The following STARD13 variants were observed in gnomAD, a reference collection of about 807,000 sequenced individuals.
The protein encoded by STARD13 is stAR-related lipid transfer protein 13.
Under a neutral mutation model 106.4 loss-of-function variants are expected in STARD13, and 62 were observed. The ratio of observed to expected loss-of-function variants is 0.58; its 90% CI spans 0.48 to 0.72. The LOEUF (loss-of-function observed/expected upper bound fraction) is 0.72, where lower values mean the gene tolerates loss of function less well. Ranked by LOEUF, STARD13 falls within the 30% of genes least tolerant of loss-of-function variation. STARD13 has a pLI of 0.00. For synonymous variants in STARD13, 565 were observed against 553.0 expected (o/e 1.02, Z -0.31); for missense variants, 1,387 against 1,424.0 (o/e 0.97, Z 0.42).
At chr13:33,174,891 A>G (rs1301554881) in intron 1 of STARD13, among the ~76,000 whole-genome samples, 1 of 152,158 alleles carries the variant, frequency 6.6e-6, no homozygotes, top group East Asian at 1.9e-4. Flanking sequence ...ATCTATATGA[A>G]TTCCAAAAAA....
chr13:33,109,773 A>G (rs1874259452), intron 12 of STARD13, 100 bp downstream of exon 12: 1 of 1,104,212 alleles, frequency 9.1e-7, no homozygotes, highest in African/African-American at 1.5e-5. Flanking sequence ...TTCCCCGTGG[A>G]GGCTGGACTT....
chr13:33,249,785 T>G (rs747389292), intron 1 of STARD13, among the ~76,000 whole-genome samples: 3 of 152,102 alleles, frequency 2.0e-5, no homozygotes, highest in Admixed American at 6.5e-5. Flanking sequence ...CTGTTATTAT[T>G]TATTTATTTA....
exon 2 of STARD13, chr13:33,349,042 C>A (rs1843290823): frequency 2.9e-6 from 2 of 687,950 alleles, no homozygotes; most frequent in Non-Finnish European, 5.3e-6. Flanking sequence ...GGGCAGAACA[C>A]CTAGCAAACC....
chr13:33,438,479 A>G, the STARD13 span, among the ~76,000 whole-genome samples: 2 of 152,230 alleles, frequency 1.3e-5, no homozygotes, highest in African/African-American at 4.8e-5. Flanking sequence ...TGAGGGTTAT[A>G]TATAGTTGAA....
intron 4 of STARD13, among the ~76,000 whole-genome samples, chr13:33,136,273 T>A (rs1185550769): frequency 6.6e-6 from 1 of 152,374 alleles, no homozygotes; most frequent in East Asian, 1.9e-4. Context: ...TGAGCACAAT[T>A]GTGATTCTTT....
At chr13:33,118,960 T>C (rs1437559520) in intron 7 of STARD13, among the ~76,000 whole-genome samples, 3 of 152,218 alleles carry the variant, frequency 2.0e-5, no homozygotes, top group Non-Finnish European at 2.9e-5. Flanking sequence ...TGGCTTTTTT[T>C]TCAGACCTCA....
At chr13:33,662,880 A>T in the STARD13 span, among the ~76,000 whole-genome samples, 5 of 152,364 alleles carry the variant, frequency 3.3e-5, no homozygotes, top group African/African-American at 1.2e-4. Context: ...CTCCCTAAAA[A>T]AATTTGGTTT....
At chr13:33,528,226 G>GTATATATATATATATACATATATATA in the STARD13 span, among the ~76,000 whole-genome samples, 47 of 101,000 alleles carry the variant, frequency 4.7e-4, no homozygotes, top group Non-Finnish European at 6.2e-4. Flanking sequence ...GTGTGTGTGT[G>GTATATATATATATATACATATATATA]TATATATATA....
At chr13:33,234,495 T>C (rs1236395387) in intron 1 of STARD13, among the ~76,000 whole-genome samples, 1 of 152,242 alleles carries the variant, frequency 6.6e-6, no homozygotes, top group Non-Finnish European at 1.5e-5. Context: ...CATGGAGTTC[T>C]CATTAGTAAA....
chr13:33,186,157 T>C, intron 1 of STARD13: 2 of 1,009,266 alleles, frequency 2.0e-6, no homozygotes, highest in Admixed American at 6.0e-5. Flanking sequence ...GCCTCCACAC[T>C]TCCTTTCCTC....
the STARD13 span, among the ~76,000 whole-genome samples, chr13:33,484,122 C>T: frequency 6.6e-6 from 1 of 152,204 alleles, no homozygotes; most frequent in Non-Finnish European, 1.5e-5. Flanking sequence ...CAAACCAACT[C>T]CATCTTGCCT....
intron 3 of STARD13, among the ~76,000 whole-genome samples, chr13:33,148,841 C>T (rs1468662594): frequency 1.3e-5 from 2 of 152,164 alleles, no homozygotes; most frequent in Non-Finnish European, 1.5e-5. Context: ...AATGGATAAA[C>T]TGTGGTCCAT....
the STARD13 span, among the ~76,000 whole-genome samples, chr13:33,512,772 T>A: frequency 4.6e-5 from 7 of 151,932 alleles, 1 homozygote; most frequent in East Asian, 9.7e-4. Context: ...CTCGGCCGTT[T>A]TTTCACTCTA....
At position 33,129,668 on chromosome 13, in the gene STARD13, C is replaced by T. The variant is rs868806380; in HGVS notation, c.1009G>A (p.Glu337Lys). The T allele has an allele frequency of 1.9e-6, 3 of 1,614,008 alleles. No homozygotes were observed. Among genetic ancestry groups the T allele is most frequent in the Non-Finnish European group, 2.5e-6 (3 of 1,180,024 alleles). ...GTGCTCACCCCGCTGCTGCTGTGCT[C>T]CGACGGGCTGCTCTCGCCACTCGAC... is the stretch of plus-strand genomic sequence containing the variant. ...GKSSGESSPS[E>K]HSSSGVSTPC... is the part of the protein sequence containing the mutation. Residue 337 changes from glutamate (E) to lysine (K), a missense_variant, in exon 5 of 14, where the codon GAG becomes AAG. Coordinates refer to ENST00000336934, the MANE Select transcript of STARD13 (RefSeq NM_178006.4).
intron 1 of STARD13, among the ~76,000 whole-genome samples, chr13:33,238,080 TGG>T (rs1440732757): frequency 6.6e-6 from 1 of 152,214 alleles, no homozygotes; most frequent in Non-Finnish European, 1.5e-5. Context: ...CAGGTGACCT[TGG>T]ATTACTTTCC....
chr13:33,628,216 C>T, the STARD13 span, among the ~76,000 whole-genome samples: 3 of 149,630 alleles, frequency 2.0e-5, no homozygotes, highest in African/African-American at 7.4e-5. Flanking sequence ...GACACATATA[C>T]TTCTAATGTT....
At position 33,129,991 on chromosome 13, in the gene STARD13, C is replaced by T. The variant is rs752094188; in HGVS notation, c.686G>A (p.Ser229Asn). Reference protein sequence around the residue: ...NPVMLDAPLVSSSLPQPPRDV... With the variant: ...NPVMLDAPLVNSSLPQPPRDV... ...TCTGGGGGGCTGTGGGAGGCTGCTG[C>T]TGACGAGTGGGGCATCCAGCATGAC... Residue 229 changes from serine to asparagine, a missense_variant, in exon 5 of 14, where the codon AGC (serine) becomes AAC (asparagine). Ser to Asn is a conservative substitution (Grantham distance 46). Coordinates refer to ENST00000336934, the MANE Select transcript of STARD13 (RefSeq NM_178006.4). The T allele has an allele frequency of 3.1e-6, 5 of 1,613,100 alleles. No individual in the cohort carries two copies. In the South Asian group the frequency reaches 5.5e-5, roughly 18 times the overall value.
chr13:33,586,512 A>G, the STARD13 span, among the ~76,000 whole-genome samples: 1 of 152,186 alleles, frequency 6.6e-6, no homozygotes, highest in Non-Finnish European at 1.5e-5. Flanking sequence ...CAAAAATACT[A>G]GTGGATTTCC....
the STARD13 span, among the ~76,000 whole-genome samples, chr13:33,498,325 G>T: frequency 6.6e-6 from 1 of 152,198 alleles, no homozygotes; most frequent in Non-Finnish European, 1.5e-5. Context: ...TAATGGAAAT[G>T]ATATGAGTGA....
Sources: gnomAD v4.1 joint callset for allele counts (sites outside exome capture counted in the v4.1 genomes callset) on GRCh38, gnomAD v4.1.1 for gene constraint, MANE v1.5 for transcripts, NCBI Gene and HGNC (gene_info 2026-07-23, HGNC 2026-07-21) for gene names.